The following LAMC1 variants were observed in gnomAD, a reference collection of about 807,000 sequenced individuals.
The protein encoded by LAMC1 is laminin subunit gamma 1, also known as laminin subunit gamma-1.
In LAMC1, 38 loss-of-function variants were observed where a neutral mutation model predicts 173.6. The ratio of observed to expected loss-of-function variants is 0.22; its 90% CI spans 0.17 to 0.29. LAMC1 has a LOEUF of 0.29. LAMC1 is among the 10% of genes least tolerant of loss of function. The pLI is 1.00. For synonymous variants in LAMC1, 746 were observed against 749.1 expected (o/e 1.00, Z 0.07); for missense variants, 1,824 against 2,051.8 (o/e 0.89, Z 2.14).
At position 183,116,914 on chromosome 1, in the gene LAMC1, C is replaced by A; in HGVS notation, c.1564+11C>A. 6.2e-7 allele frequency: 1 copy of A among 1,610,412 alleles called. No individual in the cohort carries two copies. Among genetic ancestry groups the A allele is most frequent in the Non-Finnish European group, 8.5e-7 (1 of 1,177,440 alleles). On this transcript the variant is annotated intron_variant, in intron 8 of 27. Coordinates refer to ENST00000258341, the MANE Select transcript of LAMC1 (RefSeq NM_002293.4). ...CTACCTTTCAGATTGGTAATTTAGA[C>A]CTCATCCCCCAACCTGTTAGAACTG... is the stretch of plus-strand genomic sequence containing the variant.
chr1:183,139,450 A>G (rs191003816), intron 26 of LAMC1, among the ~76,000 whole-genome samples: 8 of 152,344 alleles, frequency 5.3e-5, no homozygotes, highest in Admixed American at 3.3e-4. Context: ...CGGCCCTGGC[A>G]GGGTCCTTTC....
At position 183,023,573 on chromosome 1, in the gene LAMC1, C is replaced by A. The variant is rs1366369894; in HGVS notation, c.-144C>A. The stretch of plus-strand genomic sequence containing the variant: ...CGCCCACCCGTCAGTCTCTCCGGCG[C>A]GAGCCGCCGCCACCGCCCGCGCCGG... On this transcript the variant is annotated 5_prime_UTR_variant, in exon 1 of 28. Transcript: ENST00000258341. The A allele has an allele frequency of 2.8e-5, 14 of 503,396 alleles. No homozygotes were observed. The highest frequency in any genetic ancestry group is 3.6e-5 in the Non-Finnish European group (13 of 360,066). 31.2% of individuals were successfully genotyped at this position (503,396 alleles called of 1,614,324 possible).
At position 183,134,706 on chromosome 1, in the gene LAMC1, TGATTGACCA is replaced by T; in HGVS notation, c.3899_3907del (p.Ile1300_Gln1302del). 6.2e-7 allele frequency: 1 copy of T among 1,612,962 alleles called. No homozygotes were observed. The highest frequency in any genetic ancestry group is 8.5e-7 in the Non-Finnish European group (1 of 1,179,188). On this transcript the variant is annotated inframe_deletion, in exon 23 of 28. Coordinates refer to ENST00000258341, the MANE Select transcript of LAMC1 (RefSeq NM_002293.4). ...ATGGAAGCTGAGAATCTGGAACAACTGATTGACCAGAAATTAAAAGATTATGAGGACCTC... is the reference window on the plus strand; with the variant it reads ...ATGGAAGCTGAGAATCTGGAACAACTGAAATTAAAAGATTATGAGGACCTC...
chr1:183,026,056 A>G (rs953180546), intron 1 of LAMC1, among the ~76,000 whole-genome samples: 1 of 152,228 alleles, frequency 6.6e-6, no homozygotes, highest in Non-Finnish European at 1.5e-5. Context: ...TAAAAGGTCA[A>G]AAGAGATCTT....
In LAMC1 at chr1:183,103,801, A is replaced by G. The variant is rs924768908; in HGVS notation, c.723+169A>G. ...TTCTGCTCTCTGTGTACTATTAATA[A>G]GTGAAGGAAAGTAGTTTTGTTCCTG... On this transcript the variant is annotated intron_variant, in intron 2 of 27. Coordinates refer to ENST00000258341, the MANE Select transcript of LAMC1 (RefSeq NM_002293.4). 2.9e-5 allele frequency: 14 copies of G among 487,126 alleles called. No individual in the cohort carries two copies. In the Middle Eastern group the frequency reaches 2.6e-3, roughly 92 times the overall value. 30.2% of individuals were successfully genotyped at this position (487,126 alleles called of 1,614,324 possible). A position where few individuals can be genotyped will look rare whatever the true frequency, so the allele number is the denominator to read the frequency against.
intron 1 of LAMC1, among the ~76,000 whole-genome samples, chr1:183,087,408 T>A (rs1558043779): frequency 6.6e-6 from 1 of 152,206 alleles, no homozygotes; most frequent in African/African-American, 2.4e-5. Context: ...CTTACGTTCT[T>A]ATGTGTGTAT....
At chr1:183,140,035 C>T (rs766831047) in intron 26 of LAMC1, among the ~76,000 whole-genome samples, 3 of 151,948 alleles carry the variant, frequency 2.0e-5, no homozygotes, top group Non-Finnish European at 2.9e-5. Flanking sequence ...TTTCTATAAT[C>T]ATCCTTAAAA....
chr1:183,114,927 A>AG (rs1656276643), intron 5 of LAMC1, among the ~76,000 whole-genome samples: 1 of 152,178 alleles, frequency 6.6e-6, no homozygotes, highest in African/African-American at 2.4e-5. Flanking sequence ...GGTGTGTAAG[A>AG]GGGGGGTGGT....
In LAMC1 at chr1:183,023,480, A is replaced by C; in HGVS notation, c.-237A>C. ...GCGGAGTGCAGGCTGCTCCCGGGGT[A>C]GGTGAGGGAAGCGCGGAGGCGGCGC... is the stretch of plus-strand genomic sequence containing the variant. On this transcript the variant is annotated 5_prime_UTR_variant, in exon 1 of 28. Transcript: ENST00000258341. 5.0e-5 allele frequency: 10 copies of C among 198,766 alleles called. No individual in the cohort carries two copies. The highest frequency in any genetic ancestry group is 8.0e-5 in the Non-Finnish European group (8 of 100,464). 12.3% of individuals were successfully genotyped at this position (198,766 alleles called of 1,614,324 possible). A position where few individuals can be genotyped will look rare whatever the true frequency, so the allele number is the denominator to read the frequency against.
rs371197754 is a variant in LAMC1 at position 183,114,689 on chromosome 1, G to A, written c.1180G>A (p.Ala394Thr). The change falls in exon 5 of 28, where the codon GCC (alanine) becomes ACC (threonine). Residue 394 changes from alanine to threonine, a missense_variant. Transcript: ENST00000258341. The stretch of plus-strand genomic sequence containing the variant: ...CTTCTTCCGCCTTGGCAACAATGAA[G>A]CCTGCTCTTCATGCCACTGTAGTCC... ...ENFFRLGNNEACSSCHCSPVG... is the reference protein window; with the variant it reads ...ENFFRLGNNETCSSCHCSPVG... The A allele has an allele frequency of 1.2e-6, 2 of 1,614,208 alleles. No individual in the cohort carries two copies. Among genetic ancestry groups the A allele is most frequent in the Non-Finnish European group, 8.5e-7 (1 of 1,180,042 alleles).
intron 1 of LAMC1, among the ~76,000 whole-genome samples, chr1:183,049,404 A>G (rs1654349553): frequency 6.6e-6 from 1 of 152,094 alleles, no homozygotes; most frequent in South Asian, 2.1e-4. Flanking sequence ...TGTCAATACC[A>G]TATTCTTGAT....
At chr1:183,072,079 A>G (rs187827827) in intron 1 of LAMC1, among the ~76,000 whole-genome samples, 17 of 152,366 alleles carry the variant, frequency 1.1e-4, no homozygotes, top group African/African-American at 3.8e-4. Context: ...ATGCCTTGTG[A>G]AACATATTTT....
chr1:183,103,791 A>G (rs914806098), intron 2 of LAMC1, 159 bp downstream of exon 2: 5 of 530,426 alleles, frequency 9.4e-6, no homozygotes, highest in Non-Finnish European at 1.6e-5. Flanking sequence ...CTCTCTGTGT[A>G]CTATTAATAA....
chr1:183,087,004 C>T (rs1655445828), intron 1 of LAMC1, among the ~76,000 whole-genome samples: 1 of 152,134 alleles, frequency 6.6e-6, no homozygotes. Context: ...CTTGTATAAA[C>T]TCTTTATTTT....
At chr1:183,071,364 A>C (rs1421556247) in intron 1 of LAMC1, among the ~76,000 whole-genome samples, 1 of 135,936 alleles carries the variant, frequency 7.4e-6, no homozygotes, top group Non-Finnish European at 1.7e-5. Context: ...TACAGCTGTA[A>C]TTCAGAATAA....
intron 1 of LAMC1, among the ~76,000 whole-genome samples, chr1:183,029,033 G>C (rs1199680590): frequency 1.3e-5 from 2 of 152,136 alleles, no homozygotes; most frequent in African/African-American, 4.8e-5. Flanking sequence ...GTCTAACACT[G>C]AGTTTCTCAA....
At chr1:183,059,507 GC>G (rs1654687542) in intron 1 of LAMC1, among the ~76,000 whole-genome samples, 1 of 152,136 alleles carries the variant, frequency 6.6e-6, no homozygotes, top group Non-Finnish European at 1.5e-5. Flanking sequence ...GGCAACAGGA[GC>G]AAAACTCTGG....
chr1:183,032,370 T>C (rs1327466994), intron 1 of LAMC1, among the ~76,000 whole-genome samples: 1 of 152,258 alleles, frequency 6.6e-6, no homozygotes, highest in Non-Finnish European at 1.5e-5. Flanking sequence ...TCCCTTCTTT[T>C]ACTCTTTGTT....
intron 1 of LAMC1, among the ~76,000 whole-genome samples, chr1:183,077,793 T>TATATATATATATATATATATAC (rs1558040719): frequency 5.4e-5 from 8 of 147,078 alleles, no homozygotes; most frequent in African/African-American, 2.0e-4. Context: ...TATATATATA[T>TATATATATATATATATATATAC]ATACAGTAGC....
Sources: gnomAD v4.1 joint callset for allele counts (sites outside exome capture counted in the v4.1 genomes callset) on GRCh38, gnomAD v4.1.1 for gene constraint, MANE v1.5 for transcripts, NCBI Gene and HGNC (gene_info 2026-07-23, HGNC 2026-07-21) for gene names.